Variants in PCDHA7 observed in about 807,000 individuals in gnomAD.
PCDHA7 encodes protocadherin alpha 7.
A neutral mutation model predicts 57.2 loss-of-function variants in PCDHA7; 37 were observed. The observed-to-expected ratio is 0.65, with a 90% CI of 0.50 to 0.85. PCDHA7 has a LOEUF of 0.85. PCDHA7 is among the 40% of genes least tolerant of loss of function. PCDHA7 has a pLI of 0.00. For synonymous variants in PCDHA7, 553 were observed against 558.8 expected, an observed-to-expected ratio of 0.99 and a Z score of 0.15; for missense variants, 1,188 against 1,241.8, an observed-to-expected ratio of 0.96 and a Z score of 0.65.
intron 3 of PCDHA7, among the ~76,000 whole-genome samples, chr5:140,994,021 G>A (rs1160447092): frequency 6.6e-6 from 1 of 152,140 alleles, no homozygotes; most frequent in Non-Finnish European, 1.5e-5. Context: ...AGGTGATGCA[G>A]ATATAATATT....
chr5:140,840,473 G>A (rs1487904967), intron 1 of PCDHA7, among the ~76,000 whole-genome samples: 6 of 151,942 alleles, frequency 3.9e-5, no homozygotes, highest in Admixed American at 3.9e-4. Context: ...GGGGAAAAAA[G>A]TTTAAAGGCA....
chr5:140,848,815 A>G, intron 1 of PCDHA7: 4 of 1,591,096 alleles, frequency 2.5e-6, no homozygotes, highest in Non-Finnish European at 2.6e-6. Context: ...ATCCACCTGG[A>G]GGTGATCGTA....
At chr5:140,926,789 G>A in intron 1 of PCDHA7, 1 of 1,432,318 alleles carries the variant, frequency 7.0e-7, no homozygotes, top group East Asian at 2.5e-5. Flanking sequence ...CGGCCGGCAG[G>A]AGCGTGCTCT....
At position 140,842,682 on chromosome 5, in the gene PCDHA7, C is replaced by T. The variant is rs2150341934; in HGVS notation, c.2355+5944C>T. The stretch of plus-strand genomic sequence containing the variant: ...GCCGACGTGAACGACAATGCTCCGG[C>T]GTTCGCGCAGCCCGAGTACACGGTG... On this transcript the variant is annotated intron_variant, in intron 1 of 3. Coordinates refer to ENST00000525929, the MANE Select transcript of PCDHA7 (RefSeq NM_018910.3). 2.1e-5 allele frequency: 34 copies of T among 1,595,356 alleles called. 3 individuals are homozygous for T. The Middle Eastern group carries it at 5.3e-4, about 25-fold the overall frequency.
chr5:140,987,391 G>A (rs1277678841), intron 3 of PCDHA7, among the ~76,000 whole-genome samples: 1 of 152,140 alleles, frequency 6.6e-6, no homozygotes, highest in Non-Finnish European at 1.5e-5. Flanking sequence ...ATGCATGCAA[G>A]GAAGCCATCT....
intron 1 of PCDHA7, chr5:140,968,325 C>T (rs148804197): frequency 1.2e-6 from 2 of 1,613,988 alleles, no homozygotes; most frequent in African/African-American, 2.7e-5. Context: ...CCAGTCACCT[C>T]CTATGTCTCC....
intron 3 of PCDHA7, among the ~76,000 whole-genome samples, chr5:140,987,825 G>A (rs1181525478): frequency 1.3e-5 from 2 of 151,894 alleles, no homozygotes; most frequent in Admixed American, 1.3e-4. Flanking sequence ...GTTTCCTTAG[G>A]GGATTGCTTT....
intron 1 of PCDHA7, chr5:140,875,368 T>G (rs745982019): frequency 1.3e-5 from 19 of 1,449,988 alleles, no homozygotes; most frequent in Non-Finnish European, 1.7e-5. Context: ...TGGAAAAAAT[T>G]TACTAAATAT....
chr5:140,942,680 A>C (rs2093354394), intron 1 of PCDHA7, among the ~76,000 whole-genome samples: 1 of 152,218 alleles, frequency 6.6e-6, no homozygotes, highest in African/African-American at 2.4e-5. Context: ...AAGTTTTAGG[A>C]ATAACTTTAA....
In PCDHA7 at chr5:140,843,394, G is replaced by T. The variant is rs2150359132; in HGVS notation, c.2355+6656G>T. ...CGGCTGGCGTTTTGGGTCCGGAAGC[G>T]GCGCTGGTGGATGTCAACGTGTACC... is the stretch of plus-strand genomic sequence containing the variant. On this transcript the variant is annotated intron_variant, in intron 1 of 3. Transcript: ENST00000525929. 3 of 1,596,026 alleles carry T rather than the reference G, an allele frequency of 1.9e-6. No individual in the cohort carries two copies. The East Asian group carries it at 6.7e-5, about 36-fold the overall frequency.
At chr5:140,841,682 G>T (rs2150320729) in intron 1 of PCDHA7, 21 of 1,613,844 alleles carry the variant, frequency 1.3e-5, no homozygotes, top group South Asian at 5.5e-5. Context: ...CCATGTGGAC[G>T]TGGAGGTGAA....
rs2150222080 is a variant in PCDHA7, at chr5:140,834,588, A to G, written c.205A>G (p.Lys69Glu). 6.2e-7 allele frequency: 1 copy of G among 1,614,122 alleles called. No individual in the cohort carries two copies. The highest frequency in any genetic ancestry group is 8.5e-7 in the Non-Finnish European group (1 of 1,179,998). Residue 69 changes from lysine to glutamate, a missense_variant, in exon 1 of 4, where the codon AAA (lysine) becomes GAA (glutamate). By Grantham distance (56) the Lys-to-Glu change is moderately conservative. Around this residue, in one of 3 missense-constraint regions of PCDHA7, gnomAD observed 194 missense variants for 185.8 expected, o/e 1.04. Coordinates refer to ENST00000525929, the MANE Select transcript of PCDHA7 (RefSeq NM_018910.3). ...GCCGCGCCTGTTCCGGGCGGTGTGC[A>G]AATTCCGTGGGGATCTTCTGGAGGT... is the stretch of plus-strand genomic sequence containing the variant. ...LVPRLFRAVC[K>E]FRGDLLEVNL...
intron 1 of PCDHA7, among the ~76,000 whole-genome samples, chr5:140,878,707 A>C (rs1450914173): frequency 2.0e-5 from 3 of 152,232 alleles, no homozygotes; most frequent in Non-Finnish European, 4.4e-5. Context: ...GCCTGGTAGT[A>C]AAGGCATTAA....
chr5:140,894,375 T>A (rs1246573357), intron 1 of PCDHA7, among the ~76,000 whole-genome samples: 1 of 152,054 alleles, frequency 6.6e-6, no homozygotes, highest in African/African-American at 2.4e-5. Flanking sequence ...ATGGCTCCAA[T>A]TATATTTGTA....
At chr5:140,946,152 G>T (rs1279401608) in intron 1 of PCDHA7, among the ~76,000 whole-genome samples, 1 of 151,750 alleles carries the variant, frequency 6.6e-6, no homozygotes, top group Non-Finnish European at 1.5e-5. Flanking sequence ...CAAATAACAC[G>T]ATTTAAAAGA....
chr5:140,862,039 C>A (rs1554155581), intron 1 of PCDHA7: 1 of 155,382 alleles, frequency 6.4e-6, no homozygotes, highest in African/African-American at 2.4e-5. Context: ...GGGTTCAAAC[C>A]GTCACATTGT....
At position 140,835,665 on chromosome 5, in the gene PCDHA7, C is replaced by A. The variant is rs2150241242; in HGVS notation, c.1282C>A (p.Arg428=). The change falls in exon 1 of 4, where the codon CGG becomes AGG. Residue 428 remains arginine (R), a synonymous_variant. Coordinates refer to ENST00000525929, the MANE Select transcript of PCDHA7 (RefSeq NM_018910.3). ...CGCCTATGAGCTGGTGGTTACCGCG[C>A]GGGACGGGGGCTCGCCTTCTCTGTG... The part of the protein sequence containing the change: ...VSAYELVVTA[R]DGGSPSLWAT... 5 of 1,613,890 alleles carry A rather than the reference C, an allele frequency of 3.1e-6. No individual in the cohort carries two copies. In the East Asian group the frequency reaches 6.7e-5, roughly 22 times the overall value.
chr5:141,009,597 G>A (rs1284925593), intron 3 of PCDHA7, 30 bp from the exon 4 acceptor site: 1 of 1,605,790 alleles, frequency 6.2e-7, no homozygotes, highest in Non-Finnish European at 8.5e-7. Flanking sequence ...TGTTGACCCT[G>A]TTAATGATTT....
intron 1 of PCDHA7, chr5:140,870,953 C>A: frequency 1.2e-6 from 2 of 1,613,668 alleles, no homozygotes; most frequent in Non-Finnish European, 1.7e-6. Flanking sequence ...GCGGGCGGCT[C>A]GCGCATCCCG....
Sources: gnomAD v4.1 joint callset for allele counts (sites outside exome capture counted in the v4.1 genomes callset) on GRCh38, gnomAD v4.1.1 for gene constraint, gnomAD v4.1.1 regional missense constraint, MANE v1.5 for transcripts, NCBI Gene and HGNC (gene_info 2026-07-23, HGNC 2026-07-21) for gene names.